Variants in HELB observed in about 807,000 individuals in gnomAD.
The protein encoded by HELB is DNA helicase B, also known as DNA 5'-3' helicase B.
HELB carries 96 observed loss-of-function variants against 101.7 expected under a neutral mutation model. The observed-to-expected ratio is 0.94, with a 90% CI of 0.80 to 1.12. The LOEUF (loss-of-function observed/expected upper bound fraction) is 1.12. Among genes scored for constraint, HELB ranks in the 50% most tolerant of loss-of-function variants. HELB has a pLI of 0.00. For missense variants in HELB, 1,210 were observed against 1,291.9 expected (o/e 0.94, Z 0.97); for synonymous variants, 437 against 459.7 (o/e 0.95, Z 0.63).
At chr12:66,306,988 A>G (rs1008634311) in intron 3 of HELB, among the ~76,000 whole-genome samples, 2 of 152,184 alleles carry the variant, frequency 1.3e-5, no homozygotes, top group Non-Finnish European at 2.9e-5. Context: ...TTTATTTTGT[A>G]CACTAACATC....
chr12:66,304,955 A>G lies in HELB; in HGVS notation c.412A>G (p.Ser138Gly). 2 of 1,614,034 alleles carry G rather than the reference A, an allele frequency of 1.2e-6. No homozygotes were observed. The highest frequency in any genetic ancestry group is 1.7e-6 in the Non-Finnish European group (2 of 1,179,934). ...CTTTCTTAAAGAGTGTGAGGTCTCCAGTGATGATGTTAATAAATTTTTAAC... is the reference window on the plus strand; with the variant it reads ...CTTTCTTAAAGAGTGTGAGGTCTCCGGTGATGATGTTAATAAATTTTTAAC... Reference protein sequence around the residue: ...ALFLKECEVSSDDVNKFLTWV... With the variant: ...ALFLKECEVSGDDVNKFLTWV... Residue 138 changes from serine (S) to glycine (G), a missense_variant, in exon 2 of 13, where the codon AGT becomes GGT. By Grantham distance (56) the Ser-to-Gly change is moderately conservative. Around this residue, in one of 2 missense-constraint regions of HELB, gnomAD observed 470 missense variants for 563.1 expected, o/e 0.83. Transcript: ENST00000247815.
In HELB at chr12:66,331,463, A is replaced by G. The variant is rs759121470; in HGVS notation, c.2980A>G (p.Met994Val). 6.2e-7 allele frequency: 1 copy of G among 1,614,212 alleles called. No individual in the cohort carries two copies. The highest frequency in any genetic ancestry group is 2.2e-5 in the East Asian group (1 of 44,886). The change falls in exon 12 of 13, where the codon ATG (methionine) becomes GTG (valine). Residue 994 changes from methionine to valine, a missense_variant. Around this residue, in one of 2 missense-constraint regions of HELB, gnomAD observed 740 missense variants for 728.8 expected, o/e 1.02. Coordinates refer to ENST00000247815, the MANE Select transcript of HELB (RefSeq NM_001370285.1). ...ACTCCCTGTAGTCACAGACCACGCC[A>G]TGACAAATGATGTCACCTGGAGCGA... ...SPLPVVTDHA[M>V]TNDVTWSEAS...
chr12:66,304,069 G>C (rs1255167233), intron 1 of HELB, among the ~76,000 whole-genome samples: 2 of 152,224 alleles, frequency 1.3e-5, no homozygotes, highest in African/African-American at 2.4e-5. Context: ...GGGCTTAGTC[G>C]TCATTCTAAA....
At chr12:66,323,858 G>A in intron 9 of HELB, 125 bp from the exon 10 acceptor site, 1 of 661,054 alleles carries the variant, frequency 1.5e-6, no homozygotes, top group African/African-American at 1.8e-5. Context: ...GAGAATGAAA[G>A]TGTTGTAAAT....
chr12:66,303,926 G>A (rs1215367780), intron 1 of HELB, among the ~76,000 whole-genome samples: 1 of 152,248 alleles, frequency 6.6e-6, no homozygotes, highest in Non-Finnish European at 1.5e-5. Flanking sequence ...CTAGCCATAT[G>A]TAGCTGTTTA....
intron 3 of HELB, 84 bp from the exon 4 acceptor site, chr12:66,309,622 T>C: frequency 1.1e-6 from 1 of 931,688 alleles, no homozygotes; most frequent in East Asian, 2.5e-5. Context: ...TCATGTCTTC[T>C]GGGATTTAAA....
chr12:66,328,031 A>C (rs973663617), intron 11 of HELB, among the ~76,000 whole-genome samples: 1 of 152,116 alleles, frequency 6.6e-6, no homozygotes, highest in Non-Finnish European at 1.5e-5. Flanking sequence ...CTAAGGTGAG[A>C]GTCTGTCTGG....
intron 6 of HELB, among the ~76,000 whole-genome samples, chr12:66,316,929 G>A (rs2053613100): frequency 6.7e-6 from 1 of 149,612 alleles, no homozygotes. Flanking sequence ...TGAGGCAGGA[G>A]AATGGCATGA....
At chr12:66,308,549 G>T (rs1047222748) in intron 3 of HELB, among the ~76,000 whole-genome samples, 1 of 152,184 alleles carries the variant, frequency 6.6e-6, no homozygotes. Context: ...TTAAACAACA[G>T]AAATTTTTTG....
At chr12:66,315,949 CATT>C (rs1342370188) in intron 6 of HELB, among the ~76,000 whole-genome samples, 1 of 152,182 alleles carries the variant, frequency 6.6e-6, no homozygotes, top group African/African-American at 2.4e-5. Flanking sequence ...AAATCACAAT[CATT>C]ATTATTTCAT....
chr12:66,309,882 A>G lies in HELB; in HGVS notation c.954A>G (p.Leu318=). The change falls in exon 4 of 13, where the codon TTA becomes TTG. Residue 318 remains leucine (L), a synonymous_variant. Transcript: ENST00000247815. ...ACACATATGTTGAAGTGAATGACTT[A>G]ACTTTGACATTGTCAAATCATATGT... ...DGHTYVEVND[L]TLTLSNHMSF... is the part of the protein sequence containing the mutation. 6.2e-7 allele frequency: 1 copy of G among 1,614,182 alleles called. No homozygotes were observed. The highest frequency in any genetic ancestry group is 1.1e-5 in the South Asian group (1 of 91,088).
intron 6 of HELB, 46 bp from the exon 7 acceptor site, chr12:66,318,592 T>G (rs1404260790): frequency 1.3e-6 from 2 of 1,535,906 alleles, no homozygotes; most frequent in African/African-American, 2.8e-5. Flanking sequence ...TGAAGACATT[T>G]TTGGATGATA....
At chr12:66,307,100 A>G (rs942463225) in intron 3 of HELB, among the ~76,000 whole-genome samples, 3 of 152,230 alleles carry the variant, frequency 2.0e-5, no homozygotes, top group African/African-American at 7.2e-5. Flanking sequence ...GTGGTACTTA[A>G]TCTTGGTAGT....
In HELB at chr12:66,310,128, T is replaced by C. The variant is rs150369565; in HGVS notation, c.1200T>C (p.Asp400=). 2.5e-6 allele frequency: 4 copies of C among 1,614,120 alleles called. No individual in the cohort carries two copies. Among genetic ancestry groups the C allele is most frequent in the Admixed American group, 1.7e-5 (1 of 60,012 alleles). The part of the protein sequence containing the change: ...HTTKPENSSD[D]ALNESKPDEV... ...CAAAACCTGAGAATTCAAGCGATGA[T>C]GCATTGAATGAGAGCAAACCTGATG... Residue 400 remains aspartate, a synonymous_variant, in exon 4 of 13, where the codon GAT becomes GAC. Coordinates refer to ENST00000247815, the MANE Select transcript of HELB (RefSeq NM_001370285.1).
intron 5 of HELB, 57 bp downstream of exon 5, chr12:66,314,220 G>A (rs2053575885): frequency 6.8e-7 from 1 of 1,469,044 alleles, no homozygotes; most frequent in South Asian, 1.3e-5. Flanking sequence ...GTGGTTAGTT[G>A]GTTGTTTACA....
chr12:66,317,968 C>T (rs545386952), intron 6 of HELB, among the ~76,000 whole-genome samples: 49 of 152,198 alleles, frequency 3.2e-4, no homozygotes, highest in Non-Finnish European at 6.2e-4. Flanking sequence ...CCATACCTTA[C>T]TCTGTTTTCT....
chr12:66,343,055 T>C (rs1236896788), downstream of HELB: 1 of 152,176 alleles, frequency 6.6e-6, no homozygotes, highest in African/African-American at 2.4e-5. Context: ...TTGTAGAAAG[T>C]TTTGAAATTA....
Position 66,303,589 on chromosome 12 carries a change from C to T in HELB, c.187+799C>T, listed in dbSNP as rs537897470. Among the ~76,000 whole-genome samples, 5 of 152,206 alleles carry T rather than the reference C, an allele frequency of 3.3e-5. No individual in the cohort carries two copies. The East Asian group carries it at 9.6e-4, about 29-fold the overall frequency. On this transcript the variant is annotated intron_variant, in intron 1 of 12. Coordinates refer to ENST00000247815, the MANE Select transcript of HELB (RefSeq NM_001370285.1). The stretch of plus-strand genomic sequence containing the variant: ...TGGGGGTTGCAGTGAGCTGAGATCA[C>T]ACCATTGCACTCCGGCCTGGGCAAC...
Position 66,324,228 on chromosome 12 carries a change from G to A in HELB, c.2526+17G>A. 6.6e-7 allele frequency: 1 copy of A among 1,504,552 alleles called. No homozygotes were observed. The allele number at this position is 1,504,552 out of a possible 1,614,324, so 93.2% of individuals were successfully genotyped here. On this transcript the variant is annotated intron_variant, in intron 10 of 12. Transcript: ENST00000247815. ...ATAACAAATGTAAGTGAAAACAGAAGATAATATCTTTTAACTAATTAGAGA... is the reference window on the plus strand; with the variant it reads ...ATAACAAATGTAAGTGAAAACAGAAAATAATATCTTTTAACTAATTAGAGA...
Sources: gnomAD v4.1 joint callset for allele counts (sites outside exome capture counted in the v4.1 genomes callset) on GRCh38, gnomAD v4.1.1 for gene constraint, gnomAD v4.1.1 regional missense constraint, MANE v1.5 for transcripts, NCBI Gene and HGNC (gene_info 2026-07-23, HGNC 2026-07-21) for gene names.